Variants in SLC10A7 observed in about 807,000 individuals in gnomAD.
SLC10A7 encodes sodium/bile acid cotransporter 7.
SLC10A7 carries 29 observed loss-of-function variants against 43.2 expected under a neutral mutation model. The ratio of observed to expected loss-of-function variants is 0.67; its 90% CI spans 0.50 to 0.92. The LOEUF is 0.92. Among genes scored for constraint, SLC10A7 ranks in the 40% least tolerant of loss-of-function variants. The pLI, the probability that SLC10A7 is intolerant of heterozygous loss-of-function variation, is 0.00. For missense variants in SLC10A7, 295 were observed against 403.2 expected (o/e 0.73, Z 2.30); for synonymous variants, 152 against 144.8 (o/e 1.05, Z -0.35).
intron 5 of SLC10A7, among the ~76,000 whole-genome samples, chr4:146,392,099 A>C (rs1560864187): frequency 6.6e-6 from 1 of 152,212 alleles, no homozygotes; most frequent in African/African-American, 2.4e-5. Flanking sequence ...GGGGATGCTC[A>C]GTATGATCTA....
chr4:146,379,159 T>C (rs1473667603), intron 5 of SLC10A7, among the ~76,000 whole-genome samples: 3 of 152,200 alleles, frequency 2.0e-5, no homozygotes, highest in Non-Finnish European at 4.4e-5. Context: ...CATTCTACCT[T>C]CTAGCTCACA....
In SLC10A7 at chr4:146,255,448, C is replaced by T. The variant is rs1050958806; in HGVS notation, c.*1043G>A. 1 of 152,556 alleles carries T rather than the reference C, an allele frequency of 6.6e-6. No homozygotes were observed. The highest frequency in any genetic ancestry group is 2.4e-5 in the African/African-American group (1 of 41,422). The allele number at this position is 152,556 out of a possible 1,614,324, so 9.5% of individuals were successfully genotyped here. A position where few individuals can be genotyped will look rare whatever the true frequency, so the allele number is the denominator to read the frequency against. On this transcript the variant is annotated 3_prime_UTR_variant, in exon 12 of 12. Coordinates refer to ENST00000335472, the MANE Select transcript of SLC10A7 (RefSeq NM_001029998.6). ...TATTCATGAAAGCAATATGATTTAA[C>T]TTCTAAAAAAATATTGCCAACATTT...
chr4:146,451,245 A>AG (rs1343467367), intron 4 of SLC10A7, among the ~76,000 whole-genome samples: 5 of 149,316 alleles, frequency 3.3e-5, no homozygotes, highest in Non-Finnish European at 5.9e-5. Context: ...AAAAAAAAAA[A>AG]AAAAACAAAA....
At chr4:146,376,051 C>T (rs996304611) in intron 5 of SLC10A7, among the ~76,000 whole-genome samples, 1 of 152,118 alleles carries the variant, frequency 6.6e-6, no homozygotes, top group Non-Finnish European at 1.5e-5. Context: ...ATTTACTGTA[C>T]AGGATATTAC....
At chr4:146,499,624 G>A (rs1255261699) in intron 4 of SLC10A7, among the ~76,000 whole-genome samples, 1 of 151,984 alleles carries the variant, frequency 6.6e-6, no homozygotes, top group Non-Finnish European at 1.5e-5. Context: ...CATATCAGAA[G>A]GTAGGACCAA....
intron 3 of SLC10A7, among the ~76,000 whole-genome samples, chr4:146,504,467 C>T (rs925421199): frequency 1.2e-4 from 17 of 144,938 alleles, no homozygotes; most frequent in Middle Eastern, 3.7e-3. Flanking sequence ...TGCAGTGAGC[C>T]GAGATAGCGC....
At position 146,407,877 on chromosome 4, in the gene SLC10A7, C is replaced by T. The variant is rs535496619; in HGVS notation, c.435+34906G>A. Among the ~76,000 whole-genome samples the T allele has an allele frequency of 2.6e-5, 4 of 152,250 alleles. No homozygotes were observed. In the East Asian group the frequency reaches 7.7e-4, roughly 29 times the overall value. On this transcript the variant is annotated intron_variant, in intron 5 of 11. Transcript: ENST00000335472. ...CCCCTTAACTCTCAGGGCAGAAGGA[C>T]TGGGCCTAGATTAGCAGAAGCATTC...
intron 10 of SLC10A7, among the ~76,000 whole-genome samples, chr4:146,262,830 G>C (rs1056090644): frequency 6.6e-6 from 1 of 152,148 alleles, no homozygotes; most frequent in African/African-American, 2.4e-5. Flanking sequence ...TTTCTACTCT[G>C]TGACCAGAGT....
chr4:146,262,416 T>G (rs1444136555), intron 10 of SLC10A7, among the ~76,000 whole-genome samples: 2 of 152,150 alleles, frequency 1.3e-5, no homozygotes, highest in African/African-American at 4.8e-5. Context: ...TTGAGAGAGG[T>G]TGAGAACCTG....
chr4:146,326,699 A>C (rs1437116989), intron 5 of SLC10A7, among the ~76,000 whole-genome samples: 2 of 152,214 alleles, frequency 1.3e-5, no homozygotes, highest in African/African-American at 4.8e-5. Flanking sequence ...CAAATCTTTA[A>C]AACTAAGTGT....
At chr4:146,410,092 A>C (rs914733444) in intron 5 of SLC10A7, among the ~76,000 whole-genome samples, 3 of 152,162 alleles carry the variant, frequency 2.0e-5, no homozygotes, top group African/African-American at 7.2e-5. Flanking sequence ...TCTCACAGTA[A>C]TCCAACAAGG....
chr4:146,501,381 T>C (rs943597950), intron 4 of SLC10A7, among the ~76,000 whole-genome samples: 2 of 152,214 alleles, frequency 1.3e-5, no homozygotes, highest in African/African-American at 4.8e-5. Flanking sequence ...CTAATGTCAG[T>C]TCCTTTCTCC....
At chr4:146,437,989 T>C (rs1409496378) in intron 5 of SLC10A7, among the ~76,000 whole-genome samples, 1 of 151,834 alleles carries the variant, frequency 6.6e-6, no homozygotes, top group African/African-American at 2.4e-5. Flanking sequence ...CCAAAAACAA[T>C]AAAACAGGCA....
At chr4:146,267,769 T>C (rs1728651127) in intron 10 of SLC10A7, among the ~76,000 whole-genome samples, 2 of 152,116 alleles carry the variant, frequency 1.3e-5, no homozygotes, top group African/African-American at 4.8e-5. Flanking sequence ...TACATGCAAA[T>C]TGGAGCTCTT....
At chr4:146,512,622 C>A (rs188431944) in intron 2 of SLC10A7, among the ~76,000 whole-genome samples, 2 of 152,182 alleles carry the variant, frequency 1.3e-5, no homozygotes, top group East Asian at 3.9e-4. Context: ...ATTGGCATAA[C>A]CTATAGAGAG....
At chr4:146,417,758 G>A (rs948459646) in intron 5 of SLC10A7, among the ~76,000 whole-genome samples, 1 of 152,128 alleles carries the variant, frequency 6.6e-6, no homozygotes, top group Admixed American at 6.5e-5. Flanking sequence ...GTCCATAAAG[G>A]TTAAGAGTAG....
At chr4:146,270,298 T>C (rs188930868) in intron 10 of SLC10A7, among the ~76,000 whole-genome samples, 1 of 152,248 alleles carries the variant, frequency 6.6e-6, no homozygotes, top group African/African-American at 2.4e-5. Context: ...TGTTTTTCTA[T>C]TCTCCTCTGT....
At chr4:146,269,993 G>A (rs1002896421) in intron 10 of SLC10A7, among the ~76,000 whole-genome samples, 1 of 151,980 alleles carries the variant, frequency 6.6e-6, no homozygotes, top group Non-Finnish European at 1.5e-5. Flanking sequence ...CCTTTTCATG[G>A]TACTGTGTTT....
chr4:146,263,960 G>A (rs1728392152), intron 10 of SLC10A7, among the ~76,000 whole-genome samples: 1 of 152,154 alleles, frequency 6.6e-6, no homozygotes, highest in Non-Finnish European at 1.5e-5. Context: ...AAACACTTGG[G>A]AAATCACTAA....
Sources: gnomAD v4.1 joint callset for allele counts (sites outside exome capture counted in the v4.1 genomes callset) on GRCh38, gnomAD v4.1.1 for gene constraint, MANE v1.5 for transcripts, NCBI Gene and HGNC (gene_info 2026-07-23, HGNC 2026-07-21) for gene names.